FANCD2: variants seen among roughly 807,000 people sequenced by gnomAD.
FANCD2 encodes the protein FA complementation group D2, also known as Fanconi anemia group D2 protein.
Under a neutral mutation model 192.3 loss-of-function variants are expected in FANCD2, and 131 were observed. That is an observed-to-expected ratio of 0.68 (90% CI 0.59 to 0.79). The LOEUF (loss-of-function observed/expected upper bound fraction) is 0.79, where lower values mean the gene tolerates loss of function less well. FANCD2 is among the 30% of genes least tolerant of loss of function. FANCD2 has a pLI of 0.00. For missense variants in FANCD2, 1,508 were observed against 1,701.6 expected, an observed-to-expected ratio of 0.89 and a Z score of 2.00; for synonymous variants, 524 against 612.5, an observed-to-expected ratio of 0.86 and a Z score of 2.13.
intron 29 of FANCD2, 51 bp from the exon 30 acceptor site, chr3:10,078,030 C>A: frequency 1.6e-6 from 2 of 1,261,686 alleles, no homozygotes; most frequent in South Asian, 1.2e-5. Flanking sequence ...AAAAAATTAT[C>A]ATGAAATGAC....
At chr3:10,087,386 G>T (rs2125073999) in intron 34 of FANCD2, 122 bp downstream of exon 34, 1 of 910,902 alleles carries the variant, frequency 1.1e-6, no homozygotes, top group Admixed American at 2.7e-5. Context: ...ACCTTGGATA[G>T]GCCCTCTTGC....
At chr3:10,043,354 A>G (rs910477608) in intron 12 of FANCD2, 130 bp from the exon 13 acceptor site, 6 of 826,710 alleles carry the variant, frequency 7.3e-6, no homozygotes, top group African/African-American at 1.7e-5. Flanking sequence ...GACAGACGAC[A>G]GTGCAAGTTT....
At chr3:10,088,635 G>A in intron 35 of FANCD2, 93 bp downstream of exon 35, 1 of 1,119,148 alleles carries the variant, frequency 8.9e-7, no homozygotes, top group Non-Finnish European at 1.4e-6. Flanking sequence ...CCTTTTTAGT[G>A]GGAATTTGAA....
chr3:10,046,308 C>T, intron 14 of FANCD2: 1 of 396,330 alleles, frequency 2.5e-6, no homozygotes, highest in Non-Finnish European at 4.7e-6. Context: ...CCGCCTTGGC[C>T]TCCCAAAGTG....
intron 9 of FANCD2, 198 bp from the exon 10 acceptor site, chr3:10,041,425 A>G: frequency 2.0e-6 from 1 of 508,478 alleles, no homozygotes; most frequent in Non-Finnish European, 3.6e-6. Flanking sequence ...TACTTTTATT[A>G]TTTGAATTTT....
At chr3:10,065,010 G>A (rs540460559) in intron 23 of FANCD2, 135 bp downstream of exon 23, 27 of 904,578 alleles carry the variant, frequency 3.0e-5, no homozygotes, top group Non-Finnish European at 4.4e-5. Context: ...TAGGGAGAAT[G>A]GGGCAGATTC....
At chr3:10,090,241 T>C (rs2125081144) in intron 36 of FANCD2, 51 bp from the exon 37 acceptor site, 2 of 1,365,768 alleles carry the variant, frequency 1.5e-6, no homozygotes, top group East Asian at 2.3e-5. Flanking sequence ...TCCCAGGTAG[T>C]TCTAAGCAGT....
chr3:10,096,913 G>A (rs1238209542), intron 42 of FANCD2, among the ~76,000 whole-genome samples: 5 of 152,038 alleles, frequency 3.3e-5, no homozygotes, highest in Admixed American at 6.6e-5. Context: ...CGATAATCAC[G>A]TAGGTTCTTT....
chr3:10,101,064 T>TAA, intron 43 of FANCD2, 124 bp from the exon 44 acceptor site: 3 of 701,944 alleles, frequency 4.3e-6, no homozygotes, highest in Non-Finnish European at 7.2e-6. Flanking sequence ...CAAGACTCCT[T>TAA]TAAAAAAAAA....
intron 40 of FANCD2, among the ~76,000 whole-genome samples, 169 bp downstream of exon 40, chr3:10,094,532 A>G (rs1332760386): frequency 6.6e-6 from 1 of 151,652 alleles, no homozygotes; most frequent in Non-Finnish European, 1.5e-5. Context: ...AGTAGGCTGA[A>G]CTCCTCAGGC....
At chr3:10,069,424 A>C (rs1340778846) in intron 26 of FANCD2, among the ~76,000 whole-genome samples, 4 of 151,576 alleles carry the variant, frequency 2.6e-5, no homozygotes, top group African/African-American at 9.8e-5. Flanking sequence ...GCAAATCAAA[A>C]CTGCCATGTG....
chr3:10,043,917 A>G (rs1239355896), intron 14 of FANCD2, 53 bp downstream of exon 14: 1 of 1,422,824 alleles, frequency 7.0e-7, no homozygotes. Context: ...AAGTAATGAC[A>G]TTGGCTAGCT....
chr3:10,056,460 TC>T (rs1451215561), intron 18 of FANCD2, among the ~76,000 whole-genome samples: 4 of 152,198 alleles, frequency 2.6e-5, no homozygotes, highest in Non-Finnish European at 5.9e-5. Flanking sequence ...GGTTCCAATT[TC>T]TCCATATCCT....
At position 10,101,731 on chromosome 3, in the gene FANCD2, A is replaced by G. The variant is rs142460044; in HGVS notation, c.*469A>G. The G allele has an allele frequency of 1.4e-4, 35 of 249,772 alleles. No homozygotes were observed. The East Asian group carries it at 1.9e-3, about 14-fold the overall frequency. The allele number at this position is 249,772 out of a possible 1,614,324, so 15.5% of individuals were successfully genotyped here. A position where few individuals can be genotyped will look rare whatever the true frequency, so the allele number is the denominator to read the frequency against. On this transcript the variant is annotated 3_prime_UTR_variant, in exon 44 of 44. Coordinates refer to ENST00000675286, the MANE Select transcript of FANCD2 (RefSeq NM_001018115.3). Reference sequence around the variant, plus strand: ...CTTTATTAACTTGTGGACATCATGGATTGTCTAACACCATCACAGTCCCTG... The same window carrying G: ...CTTTATTAACTTGTGGACATCATGGGTTGTCTAACACCATCACAGTCCCTG...
intron 43 of FANCD2, among the ~76,000 whole-genome samples, chr3:10,099,844 C>T (rs1695199524): frequency 6.6e-6 from 1 of 152,212 alleles, no homozygotes; most frequent in Non-Finnish European, 1.5e-5. Context: ...TTAAGAACCC[C>T]TGCTGTGGGG....
At chr3:10,078,438 T>A (rs1693648497) in intron 30 of FANCD2, among the ~76,000 whole-genome samples, 1 of 151,908 alleles carries the variant, frequency 6.6e-6, no homozygotes, top group Non-Finnish European at 1.5e-5. Flanking sequence ...CACTGCAAGC[T>A]CCGCCTCCCG....
At chr3:10,035,373 C>A in intron 6 of FANCD2, 140 bp downstream of exon 6, 2 of 747,360 alleles carry the variant, frequency 2.7e-6, no homozygotes, top group East Asian at 2.6e-5. Flanking sequence ...AGCCCTGTTG[C>A]TGTGATGGGT....
chr3:10,081,920 G>A (rs1033326958), intron 32 of FANCD2, among the ~76,000 whole-genome samples: 1 of 152,180 alleles, frequency 6.6e-6, no homozygotes, highest in South Asian at 2.1e-4. Flanking sequence ...ACTAAGGGAG[G>A]TGTGCCCCTT....
At chr3:10,034,281 C>T (rs1240712583) in intron 3 of FANCD2, among the ~76,000 whole-genome samples, 188 bp from the exon 4 acceptor site, 4 of 142,696 alleles carry the variant, frequency 2.8e-5, no homozygotes, top group Admixed American at 1.4e-4. Context: ...GCTGAGATCA[C>T]GCCACTGCAC....
Sources: gnomAD v4.1 joint callset for allele counts (sites outside exome capture counted in the v4.1 genomes callset) on GRCh38, gnomAD v4.1.1 for gene constraint, MANE v1.5 for transcripts, NCBI Gene and HGNC (gene_info 2026-07-23, HGNC 2026-07-21) for gene names.